The following EPHA3 variants were observed in gnomAD, a reference collection of about 807,000 sequenced individuals.
The protein encoded by EPHA3 is EPH receptor A3, also known as ephrin type-A receptor 3.
A neutral mutation model predicts 107.1 loss-of-function variants in EPHA3; 42 were observed. That is an observed-to-expected ratio of 0.39 (90% CI 0.31 to 0.51). The LOEUF (loss-of-function observed/expected upper bound fraction) is 0.51. Among genes scored for constraint, EPHA3 ranks in the 20% least tolerant of loss-of-function variants. The pLI is 0.78. For synonymous variants in EPHA3, 461 were observed against 424.8 expected, an observed-to-expected ratio of 1.09 and a Z score of -1.05; for missense variants, 1,183 against 1,211.2, an observed-to-expected ratio of 0.98 and a Z score of 0.35.
chr3:89,213,985 ATAACT>A (rs1704167338), intron 3 of EPHA3, among the ~76,000 whole-genome samples: 1 of 152,022 alleles, frequency 6.6e-6, no homozygotes, highest in African/African-American at 2.4e-5. Context: ...AATAAGATAA[ATAACT>A]TTAATATAAC....
At chr3:89,188,521 A>T (rs1005447336) in intron 2 of EPHA3, among the ~76,000 whole-genome samples, 7 of 151,962 alleles carry the variant, frequency 4.6e-5, no homozygotes, top group African/African-American at 1.7e-4. Context: ...AAATTCTAGA[A>T]CTCATTCTTC....
chr3:89,149,917 A>G (rs1315845131), intron 2 of EPHA3, among the ~76,000 whole-genome samples: 1 of 151,996 alleles, frequency 6.6e-6, no homozygotes, highest in African/African-American at 2.4e-5. Flanking sequence ...CTGTTATAAT[A>G]AACAAATTAA....
At chr3:89,281,764 A>G (rs17026838) in intron 3 of EPHA3, among the ~76,000 whole-genome samples, 1,687 of 152,274 alleles carry the variant, frequency 0.011, 33 homozygotes, top group African/African-American at 0.039. Context: ...TCTGCAACAA[A>G]TCTTGTGTCC....
intron 3 of EPHA3, among the ~76,000 whole-genome samples, chr3:89,278,940 C>T (rs1357874949): frequency 3.3e-5 from 5 of 152,074 alleles, no homozygotes; most frequent in Non-Finnish European, 7.4e-5. Context: ...CTTTTTAACT[C>T]GAGGATTCTC....
intron 1 of EPHA3, among the ~76,000 whole-genome samples, chr3:89,113,856 C>T (rs1347563157): frequency 6.6e-6 from 1 of 152,072 alleles, no homozygotes; most frequent in Non-Finnish European, 1.5e-5. Context: ...TGCTAAAATG[C>T]TTCCCCCTTT....
At chr3:89,155,977 C>G (rs552961962) in intron 2 of EPHA3, among the ~76,000 whole-genome samples, 3 of 151,934 alleles carry the variant, frequency 2.0e-5, no homozygotes, top group Non-Finnish European at 4.4e-5. Context: ...TGTAAGTATC[C>G]AAAGGAAAAG....
chr3:89,304,351 C>T (rs770662756), intron 3 of EPHA3, among the ~76,000 whole-genome samples: 1 of 152,080 alleles, frequency 6.6e-6, no homozygotes, highest in Non-Finnish European at 1.5e-5. Context: ...TTTCTCTCCA[C>T]TTCCCTCCAA....
At chr3:89,390,143 C>CACCACA (rs1486300645) in intron 5 of EPHA3, among the ~76,000 whole-genome samples, 4 of 152,094 alleles carry the variant, frequency 2.6e-5, no homozygotes, top group African/African-American at 9.7e-5. Flanking sequence ...AGTCACACAC[C>CACCACA]ACCACAACCA....
intron 2 of EPHA3, among the ~76,000 whole-genome samples, chr3:89,187,237 T>A (rs1253243946): frequency 6.7e-6 from 1 of 150,230 alleles, no homozygotes; most frequent in Non-Finnish European, 1.5e-5. Context: ...ATAATATGCT[T>A]AATGTATATT....
Position 89,468,619 on chromosome 3 carries a change from C to T in EPHA3, c.2691-3845C>T, listed in dbSNP as rs556657486. Among the ~76,000 whole-genome samples, 171 of 152,268 alleles carry T rather than the reference C, an allele frequency of 1.1e-3. 1 individual carries two copies. The highest frequency in any genetic ancestry group is 1.9e-3 in the Non-Finnish European group (126 of 68,004). On this transcript the variant is annotated intron_variant, in intron 15 of 16. Coordinates refer to ENST00000336596, the MANE Select transcript of EPHA3 (RefSeq NM_005233.6). Reference sequence around the variant, plus strand: ...AGACAGAGAAACTGTGGCGTGTGCGCGCGCATGCCTGTAGATAGTTTAATG... The same window carrying T: ...AGACAGAGAAACTGTGGCGTGTGCGTGCGCATGCCTGTAGATAGTTTAATG...
chr3:89,254,598 G>C (rs1370312651), intron 3 of EPHA3, among the ~76,000 whole-genome samples: 1 of 152,094 alleles, frequency 6.6e-6, no homozygotes, highest in Non-Finnish European at 1.5e-5. Context: ...ATTTAGGTCT[G>C]GTCAAGATTG....
chr3:89,295,801 G>T (rs574075946), intron 3 of EPHA3, among the ~76,000 whole-genome samples: 1 of 151,902 alleles, frequency 6.6e-6, no homozygotes, highest in African/African-American at 2.4e-5. Flanking sequence ...TGTTGGCCAG[G>T]CTGGTCTCGA....
intron 3 of EPHA3, among the ~76,000 whole-genome samples, chr3:89,283,527 C>T (rs1471454286): frequency 6.6e-6 from 1 of 152,102 alleles, no homozygotes; most frequent in African/African-American, 2.4e-5. Context: ...TAAAATGCGA[C>T]AACTCTTTTA....
In EPHA3 at chr3:89,480,368, C is replaced by G. The variant is rs566902314; in HGVS notation, c.*866C>G. ...AACCAAATCTCTCAAATCTGTTATC[C>G]CAATCATTGTTGCCTCTCCGTTTAT... On this transcript the variant is annotated 3_prime_UTR_variant, in exon 17 of 17. Transcript: ENST00000336596. 4.3e-6 allele frequency: 1 copy of G among 233,100 alleles called. No individual in the cohort carries two copies. Among genetic ancestry groups the G allele is most frequent in the African/African-American group, 2.2e-5 (1 of 45,408 alleles). 14.4% of individuals were successfully genotyped at this position (233,100 alleles called of 1,614,324 possible). A position where few individuals can be genotyped will look rare whatever the true frequency, so the allele number is the denominator to read the frequency against.
In EPHA3 at chr3:89,431,161, C is replaced by T. The variant is rs2107536698; in HGVS notation, c.2148C>T (p.Ala716=). 6.2e-7 allele frequency: 1 copy of T among 1,612,418 alleles called. No homozygotes were observed. Among genetic ancestry groups the T allele is most frequent in the Non-Finnish European group, 8.5e-7 (1 of 1,179,344 alleles). ...SLDSFLRKHD[A]QFTVIQLVGM... ...GAAATGCTTCCCAGAAACACGATGCCCAGTTTACTGTCATTCAGCTAGTGG... is the reference window on the plus strand; with the variant it reads ...GAAATGCTTCCCAGAAACACGATGCTCAGTTTACTGTCATTCAGCTAGTGG... Residue 716 remains alanine (A), a synonymous_variant, in exon 13 of 17, where the codon GCC becomes GCT. Coordinates refer to ENST00000336596, the MANE Select transcript of EPHA3 (RefSeq NM_005233.6).
At chr3:89,329,165 A>G (rs561841794) in intron 3 of EPHA3, among the ~76,000 whole-genome samples, 81 of 152,294 alleles carry the variant, frequency 5.3e-4, no homozygotes, top group Non-Finnish European at 1.0e-3. Flanking sequence ...ACTAAGAAAT[A>G]GGGTGATGGT....
intron 3 of EPHA3, among the ~76,000 whole-genome samples, chr3:89,242,497 G>T (rs1001033244): frequency 6.6e-6 from 1 of 152,114 alleles, no homozygotes; most frequent in Non-Finnish European, 1.5e-5. Context: ...CAGTGCAGTG[G>T]CATGATCTCG....
intron 3 of EPHA3, among the ~76,000 whole-genome samples, chr3:89,333,674 A>C (rs542093941): frequency 3.9e-4 from 59 of 152,184 alleles, no homozygotes; most frequent in African/African-American, 1.4e-3. Context: ...GGAGTTCGAG[A>C]CCAGCCTGAC....
intron 2 of EPHA3, among the ~76,000 whole-genome samples, chr3:89,200,802 C>A (rs13314573): frequency 2.0e-5 from 3 of 152,090 alleles, no homozygotes; most frequent in Non-Finnish European, 4.4e-5. Context: ...TGTTTTTCTC[C>A]CATATCCCAA....
Sources: allele counts gnomAD v4.1 joint callset (sites outside exome capture counted in the v4.1 genomes callset), GRCh38; gene constraint gnomAD v4.1.1; transcripts MANE v1.5; gene names NCBI Gene and HGNC (gene_info 2026-07-23, HGNC 2026-07-21).